The following SUSD4 variants were observed in gnomAD, a reference collection of about 807,000 sequenced individuals.
SUSD4 encodes the protein sushi domain-containing protein 4.
SUSD4 carries 41 observed loss-of-function variants against 50.5 expected under a neutral mutation model. The ratio of observed to expected loss-of-function variants is 0.81; its 90% CI spans 0.63 to 1.05. The LOEUF (loss-of-function observed/expected upper bound fraction) is 1.05, where lower values mean the gene tolerates loss of function less well. Among genes scored for constraint, SUSD4 ranks in the 50% least tolerant of loss-of-function variants. The pLI is 0.00. For synonymous variants in SUSD4, 257 were observed against 257.3 expected (o/e 1.00, Z 0.01); for missense variants, 580 against 634.7 (o/e 0.91, Z 0.93).
At chr1:223,293,746 C>T (rs141889421) in intron 2 of SUSD4, among the ~76,000 whole-genome samples, 3 of 152,144 alleles carry the variant, frequency 2.0e-5, no homozygotes, top group East Asian at 1.9e-4. Context: ...GGGATGAATG[C>T]GGACAAGCAA....
intron 2 of SUSD4, among the ~76,000 whole-genome samples, chr1:223,340,643 T>C (rs979492260): frequency 6.6e-6 from 1 of 152,136 alleles, no homozygotes; most frequent in Non-Finnish European, 1.5e-5. Flanking sequence ...GGAGCTGGGT[T>C]TAGAGGCTCC....
intron 2 of SUSD4, among the ~76,000 whole-genome samples, chr1:223,340,320 T>C (rs533090051): frequency 6.6e-6 from 1 of 152,324 alleles, no homozygotes; most frequent in Admixed American, 6.5e-5. Context: ...CACTGGCCTG[T>C]CCATTCTTCT....
intron 5 of SUSD4, among the ~76,000 whole-genome samples, chr1:223,238,867 T>C (rs1286713633): frequency 2.6e-5 from 4 of 152,036 alleles, no homozygotes; most frequent in Non-Finnish European, 5.9e-5. Context: ...TTGATGGTGT[T>C]GAAATCAGTT....
chr1:223,262,870 C>A (rs547012489), intron 5 of SUSD4, among the ~76,000 whole-genome samples: 101 of 152,308 alleles, frequency 6.6e-4, no homozygotes, highest in African/African-American at 1.9e-3. Flanking sequence ...CAGGGTTTTC[C>A]CATCTACTCA....
chr1:223,292,903 G>A (rs748559060), intron 2 of SUSD4, among the ~76,000 whole-genome samples: 1 of 152,108 alleles, frequency 6.6e-6, no homozygotes, highest in Non-Finnish European at 1.5e-5. Context: ...GGAGGGAGAA[G>A]GAAACAGACA....
intron 5 of SUSD4, among the ~76,000 whole-genome samples, chr1:223,240,888 G>A (rs2103021697): frequency 6.6e-6 from 1 of 152,300 alleles, no homozygotes; most frequent in Middle Eastern, 3.4e-3. Context: ...CCAGGTAAAG[G>A]GAACTGCTGT....
At chr1:223,310,331 A>G (rs1160409003) in intron 2 of SUSD4, among the ~76,000 whole-genome samples, 1 of 152,220 alleles carries the variant, frequency 6.6e-6, no homozygotes, top group Non-Finnish European at 1.5e-5. Flanking sequence ...ATAAAATCTC[A>G]TAGCACGCTG....
At chr1:223,230,998 G>A (rs1659858553) in intron 5 of SUSD4, among the ~76,000 whole-genome samples, 1 of 152,172 alleles carries the variant, frequency 6.6e-6, no homozygotes, top group African/African-American at 2.4e-5. Flanking sequence ...ATGGCAAAGT[G>A]GAGAAGCCAG....
At chr1:223,283,375 A>C (rs1438449081) in intron 3 of SUSD4, among the ~76,000 whole-genome samples, 2 of 152,250 alleles carry the variant, frequency 1.3e-5, no homozygotes, top group Admixed American at 6.5e-5. Context: ...TAAATGAAAC[A>C]AATTTACAAG....
intron 2 of SUSD4, among the ~76,000 whole-genome samples, chr1:223,359,786 T>C (rs951168562): frequency 3.3e-5 from 5 of 152,124 alleles, no homozygotes; most frequent in Non-Finnish European, 5.9e-5. Context: ...GGGAAGAACT[T>C]ACTGACTAGG....
chr1:223,349,926 G>T (rs1370591284), intron 2 of SUSD4, among the ~76,000 whole-genome samples: 2 of 152,154 alleles, frequency 1.3e-5, no homozygotes, highest in African/African-American at 4.8e-5. Flanking sequence ...TTGGAGATAG[G>T]GCCTTTAAGA....
At chr1:223,345,722 C>T (rs1237130793) in intron 2 of SUSD4, among the ~76,000 whole-genome samples, 1 of 152,188 alleles carries the variant, frequency 6.6e-6, no homozygotes, top group African/African-American at 2.4e-5. Flanking sequence ...TAAGACCAAA[C>T]TCATCATCTT....
chr1:223,280,429 T>C (rs1219189380), intron 3 of SUSD4, among the ~76,000 whole-genome samples: 2 of 150,950 alleles, frequency 1.3e-5, no homozygotes, highest in East Asian at 2.0e-4. Context: ...AAGGCAGGGG[T>C]TGCAATCCTG....
Position 223,264,778 on chromosome 1 carries a change from G to A in SUSD4, c.576C>T (p.Asn192=), listed in dbSNP as rs1571919100. 6.2e-7 allele frequency: 1 copy of A among 1,614,180 alleles called. No individual in the cohort carries two copies. Among genetic ancestry groups the A allele is most frequent in the Non-Finnish European group, 8.5e-7 (1 of 1,180,032 alleles). ...RPLASSNGYV[N]ISELQTSFPV... Reference sequence around the variant, plus strand: ...GGAAGGAGGTCTGGAGCTCAGAGATGTTTACATAGCCATTAGAAGAGGCTA... The same window carrying A: ...GGAAGGAGGTCTGGAGCTCAGAGATATTTACATAGCCATTAGAAGAGGCTA... Residue 192 remains asparagine (N), a synonymous_variant, in exon 5 of 9, where the codon AAC becomes AAT. Transcript: ENST00000366878.
chr1:223,228,436 G>C (rs550854575), intron 6 of SUSD4, among the ~76,000 whole-genome samples: 35 of 152,340 alleles, frequency 2.3e-4, no homozygotes, highest in African/African-American at 8.2e-4. Flanking sequence ...GTGTCCAGGG[G>C]AAAGGCATGC....
chr1:223,355,486 T>C (rs1160381994), intron 2 of SUSD4, among the ~76,000 whole-genome samples: 1 of 152,160 alleles, frequency 6.6e-6, no homozygotes, highest in African/African-American at 2.4e-5. Context: ...CCCAAAGTGC[T>C]GAGGTTACAG....
chr1:223,271,518 TGTGGGAG>T (rs1662919097), intron 3 of SUSD4, among the ~76,000 whole-genome samples: 1 of 152,160 alleles, frequency 6.6e-6, no homozygotes, highest in African/African-American at 2.4e-5. Context: ...CAATTTACTA[TGTGGGAG>T]GAGCCACATA....
rs139087781 is a variant in SUSD4, at chr1:223,349,422, G to A, written c.148+13856C>T. ...AATTGATTTTTAGTGGCCAGCAGCT[G>A]TAATCGAATAATGTGAGTGTCTAGC... On this transcript the variant is annotated intron_variant, in intron 2 of 8. Transcript: ENST00000366878. Among the ~76,000 whole-genome samples, 171 of 152,254 alleles carry A rather than the reference G, an allele frequency of 1.1e-3. 1 individual carries two copies. The highest frequency in any genetic ancestry group is 0.01 in the Middle Eastern group (3 of 294).
At chr1:223,268,042 TACAC>T (rs374538693) in intron 4 of SUSD4, among the ~76,000 whole-genome samples, 4,555 of 106,812 alleles carry the variant, frequency 0.043, 370 homozygotes, top group Non-Finnish European at 0.051. Context: ...TATATATATA[TACAC>T]ACACACTGTT....
Sources: allele counts gnomAD v4.1 joint callset (sites outside exome capture counted in the v4.1 genomes callset), GRCh38; gene constraint gnomAD v4.1.1; transcripts MANE v1.5; gene names NCBI Gene and HGNC (gene_info 2026-07-23, HGNC 2026-07-21).